Variants in CSMD1 observed in about 807,000 individuals in gnomAD.
CSMD1 encodes the protein CUB and sushi domain-containing protein 1.
A neutral mutation model predicts 417.5 loss-of-function variants in CSMD1; 213 were observed. The ratio of observed to expected loss-of-function variants is 0.51; its 90% CI spans 0.46 to 0.57. CSMD1 has a LOEUF of 0.57. Ranked by LOEUF, CSMD1 falls within the 20% of genes least tolerant of loss-of-function variation. The pLI is 0.00. For missense variants in CSMD1, 6,923 were observed against 4,529.7 expected (o/e 1.53, Z -15.17); for synonymous variants, 2,862 against 1,736.8 (o/e 1.65, Z -16.11).
intron 3 of CSMD1, among the ~76,000 whole-genome samples, chr8:4,078,408 G>T (rs1302993644): frequency 1.4e-5 from 2 of 145,346 alleles, no homozygotes; most frequent in African/African-American, 2.6e-5. Flanking sequence ...TCCACCTCCC[G>T]GGTTCACGCC....
At chr8:4,765,367 C>A (rs550307843) in intron 1 of CSMD1, among the ~76,000 whole-genome samples, 1 of 152,260 alleles carries the variant, frequency 6.6e-6, no homozygotes, top group East Asian at 1.9e-4. Flanking sequence ...ACTGAAGAAG[C>A]ACATCATCGG....
chr8:3,959,312 CA>C (rs112541594), intron 5 of CSMD1, among the ~76,000 whole-genome samples: 9 of 152,206 alleles, frequency 5.9e-5, no homozygotes, highest in African/African-American at 2.2e-4. Context: ...GCCTGGGCAA[CA>C]TGGCAAAAAA....
chr8:4,191,971 G>A lies in CSMD1; in HGVS notation c.416-159872C>T, dbSNP rs190815038. ...TGCACCCACAGGCAAAACACCCGTA[G>A]AGGAACACGTCCCTAAGGATTTCAC... On this transcript the variant is annotated intron_variant, in intron 3 of 69. Transcript: ENST00000635120. Among the ~76,000 whole-genome samples, 8 of 152,184 alleles carry A rather than the reference G, an allele frequency of 5.3e-5. No individual in the cohort carries two copies. The East Asian group carries it at 7.7e-4, about 15-fold the overall frequency.
intron 50 of CSMD1, among the ~76,000 whole-genome samples, chr8:3,038,638 G>T (rs1162943679): frequency 6.6e-6 from 1 of 152,060 alleles, no homozygotes; most frequent in African/African-American, 2.4e-5. Context: ...ATATAACGCT[G>T]AACTGGGTAT....
chr8:4,623,286 A>G (rs1449566276), intron 2 of CSMD1, among the ~76,000 whole-genome samples: 1 of 152,164 alleles, frequency 6.6e-6, no homozygotes, highest in Non-Finnish European at 1.5e-5. Flanking sequence ...ATCACCGTAA[A>G]ATAACACTCT....
intron 1 of CSMD1, among the ~76,000 whole-genome samples, chr8:4,809,546 G>T (rs1396763694): frequency 6.6e-6 from 1 of 152,146 alleles, no homozygotes; most frequent in Non-Finnish European, 1.5e-5. Context: ...GAGGCCTTAG[G>T]TTTAAAAGCC....
At chr8:3,590,759 G>A (rs546355051) in intron 8 of CSMD1, among the ~76,000 whole-genome samples, 2 of 152,254 alleles carry the variant, frequency 1.3e-5, no homozygotes, top group South Asian at 2.1e-4. Context: ...CAGCACAGCC[G>A]AGGAGGAGAC....
chr8:4,603,127 T>G (rs1025261069), intron 2 of CSMD1, among the ~76,000 whole-genome samples: 3 of 152,016 alleles, frequency 2.0e-5, no homozygotes, highest in East Asian at 1.9e-4. Context: ...GGCTTGAATT[T>G]TTTATGGAGA....
Position 3,563,964 on chromosome 8 carries a change from G to A in CSMD1, c.1344+10981C>T, listed in dbSNP as rs568182372. Among the ~76,000 whole-genome samples, 3 of 152,002 alleles carry A rather than the reference G, an allele frequency of 2.0e-5. No individual in the cohort carries two copies. The East Asian group carries it at 5.8e-4, about 29-fold the overall frequency. ...CATGAATACTAATGTTCATTCTTTT[G>A]GGTACATTCTGAGTATACGATCATT... On this transcript the variant is annotated intron_variant, in intron 10 of 69. Coordinates refer to ENST00000635120, the MANE Select transcript of CSMD1 (RefSeq NM_033225.6).
At chr8:3,232,416 C>T (rs1195300643) in intron 26 of CSMD1, among the ~76,000 whole-genome samples, 1 of 152,210 alleles carries the variant, frequency 6.6e-6, no homozygotes, top group African/African-American at 2.4e-5. Context: ...AGGCATGATG[C>T]TCTGGTCTAC....
intron 3 of CSMD1, among the ~76,000 whole-genome samples, chr8:4,218,877 A>G (rs897300349): frequency 2.0e-5 from 3 of 152,204 alleles, no homozygotes; most frequent in Admixed American, 1.3e-4. Flanking sequence ...TCCTATTTTC[A>G]TAGCAAAAAT....
In CSMD1 at chr8:3,932,574, G is replaced by C. The variant is rs765203953; in HGVS notation, c.818+65329C>G. Among the ~76,000 whole-genome samples the C allele has an allele frequency of 1.6e-4, 24 of 150,544 alleles. 2 individuals carry two copies. Among genetic ancestry groups the C allele is most frequent in the Non-Finnish European group, 2.5e-4 (17 of 67,562 alleles). On this transcript the variant is annotated intron_variant, in intron 5 of 69. Transcript: ENST00000635120. The stretch of plus-strand genomic sequence containing the variant: ...AGTTCAATGCATTGCAGTCTAATTA[G>C]TACTGTGGCTAGTTAAAAATCCACA...
chr8:4,063,606 G>C (rs1399166628), intron 3 of CSMD1, among the ~76,000 whole-genome samples: 1 of 152,170 alleles, frequency 6.6e-6, no homozygotes, highest in African/African-American at 2.4e-5. Context: ...TGCCACGTAC[G>C]TTTCCAGTTC....
intron 3 of CSMD1, among the ~76,000 whole-genome samples, chr8:4,039,479 C>T (rs569269277): frequency 6.6e-6 from 1 of 152,152 alleles, no homozygotes; most frequent in Non-Finnish European, 1.5e-5. Context: ...TCTTTACTGG[C>T]TCTCTGAATG....
At chr8:4,133,502 G>A (rs918282941) in intron 3 of CSMD1, among the ~76,000 whole-genome samples, 3 of 152,114 alleles carry the variant, frequency 2.0e-5, no homozygotes, top group African/African-American at 7.2e-5. Context: ...AGCCTGCCCT[G>A]CAATTATTCC....
intron 7 of CSMD1, among the ~76,000 whole-genome samples, chr8:3,688,008 C>G (rs1266646580): frequency 1.3e-5 from 2 of 152,328 alleles, no homozygotes; most frequent in South Asian, 2.1e-4. Flanking sequence ...TCTTTTAAAT[C>G]TGCAAATTTT....
At chr8:4,123,498 A>G (rs1647323) in intron 3 of CSMD1, among the ~76,000 whole-genome samples, 150,709 of 152,358 alleles carry the variant, frequency 0.99, 74,564 homozygotes, top group East Asian at 1. Context: ...TGCTTTTAGA[A>G]GATTCGGGAC....
chr8:3,548,729 G>T (rs1351331375), intron 10 of CSMD1, among the ~76,000 whole-genome samples: 6 of 149,134 alleles, frequency 4.0e-5, no homozygotes, highest in African/African-American at 1.5e-4. Context: ...CTCATTGATT[G>T]ATAGGAATTT....
At chr8:3,310,078 A>C (rs964048703) in intron 23 of CSMD1, among the ~76,000 whole-genome samples, 4 of 152,210 alleles carry the variant, frequency 2.6e-5, no homozygotes, top group Non-Finnish European at 4.4e-5. Flanking sequence ...GTGCAAAACA[A>C]AGGGATATGC....
Sources: gnomAD v4.1 joint callset for allele counts (sites outside exome capture counted in the v4.1 genomes callset) on GRCh38, gnomAD v4.1.1 for gene constraint, MANE v1.5 for transcripts, NCBI Gene and HGNC (gene_info 2026-07-23, HGNC 2026-07-21) for gene names.